Variants in ITGA1 observed in about 807,000 individuals in gnomAD.
The protein encoded by ITGA1 is integrin alpha-1.
ITGA1 carries 85 observed loss-of-function variants against 145.9 expected under a neutral mutation model. The observed-to-expected ratio is 0.58, with a 90% CI of 0.49 to 0.70. The LOEUF (loss-of-function observed/expected upper bound fraction) is 0.70. Among genes scored for constraint, ITGA1 ranks in the 30% least tolerant of loss-of-function variants. The pLI is 0.00. For synonymous variants in ITGA1, 520 were observed against 495.3 expected, an observed-to-expected ratio of 1.05 and a Z score of -0.66; for missense variants, 1,351 against 1,418.7, an observed-to-expected ratio of 0.95 and a Z score of 0.77.
chr5:52,854,211 A>C (rs1052364060), intron 2 of ITGA1, among the ~76,000 whole-genome samples: 4 of 152,172 alleles, frequency 2.6e-5, no homozygotes, highest in African/African-American at 9.6e-5. Flanking sequence ...AGGTCAGGGT[A>C]CCAATGGGCT....
intron 1 of ITGA1, among the ~76,000 whole-genome samples, chr5:52,821,682 G>A (rs906685104): frequency 6.6e-6 from 1 of 152,070 alleles, no homozygotes; most frequent in Non-Finnish European, 1.5e-5. Flanking sequence ...TGATTTCTTG[G>A]AAGGGCTTAT....
At chr5:52,792,979 G>A (rs1168990183) in intron 1 of ITGA1, among the ~76,000 whole-genome samples, 1 of 152,044 alleles carries the variant, frequency 6.6e-6, no homozygotes, top group Admixed American at 6.6e-5. Context: ...GCTTCTTTCA[G>A]CTCCTTTATT....
intron 6 of ITGA1, among the ~76,000 whole-genome samples, chr5:52,878,113 TG>T (rs1389450098): frequency 1.3e-5 from 2 of 152,146 alleles, no homozygotes; most frequent in African/African-American, 4.8e-5. Context: ...CACTCACCAT[TG>T]CCTGTGGATC....
At chr5:52,817,782 A>G (rs1235862373) in intron 1 of ITGA1, among the ~76,000 whole-genome samples, 2 of 152,260 alleles carry the variant, frequency 1.3e-5, no homozygotes, top group African/African-American at 2.4e-5. Flanking sequence ...ATAAATATGT[A>G]TCTTTGCATA....
intron 21 of ITGA1, 80 bp from the exon 22 acceptor site, chr5:52,931,967 C>A: frequency 1.2e-6 from 1 of 820,062 alleles, no homozygotes; most frequent in Non-Finnish European, 2.0e-6. Flanking sequence ...CCAGGATAAG[C>A]TTCTCTTTCA....
intron 1 of ITGA1, chr5:52,802,429 A>G (rs981111257): frequency 6.6e-6 from 1 of 152,248 alleles, no homozygotes; most frequent in African/African-American, 2.4e-5. Flanking sequence ...CAATCATGTT[A>G]AAAGGAAATT....
chr5:52,910,775 C>T (rs191796382), intron 14 of ITGA1, among the ~76,000 whole-genome samples: 40 of 144,078 alleles, frequency 2.8e-4, no homozygotes, highest in African/African-American at 9.1e-4. Context: ...ACTATATATA[C>T]ACACTATATA....
chr5:52,854,354 A>AC (rs1749474896), intron 2 of ITGA1, among the ~76,000 whole-genome samples: 1 of 152,186 alleles, frequency 6.6e-6, no homozygotes, highest in Non-Finnish European at 1.5e-5. Context: ...AACAGATTTT[A>AC]ATATGCTTAT....
intron 2 of ITGA1, among the ~76,000 whole-genome samples, chr5:52,857,937 G>T (rs1488987249): frequency 1.3e-5 from 2 of 151,946 alleles, no homozygotes; most frequent in Non-Finnish European, 2.9e-5. Context: ...ATGCATACTT[G>T]GAATTGCCTC....
chr5:52,801,205 T>C, intron 1 of ITGA1: 1 of 1,363,324 alleles, frequency 7.3e-7, no homozygotes. Flanking sequence ...CTGGGAAAAA[T>C]AAGAAGAGAA....
chr5:52,854,962 C>T lies in ITGA1; in HGVS notation c.182+5477C>T, dbSNP rs368886620. 1.3e-3 allele frequency among the ~76,000 whole-genome samples: 194 copies of T among 152,186 alleles called. 3 individuals are homozygous for T. The South Asian group carries it at 0.017, about 13-fold the overall frequency. ...TGCATACAGGTCATTACAAAAATGCCATATAAAAAGCAAGATCTAATAGGA... is the reference window on the plus strand; with the variant it reads ...TGCATACAGGTCATTACAAAAATGCTATATAAAAAGCAAGATCTAATAGGA... On this transcript the variant is annotated intron_variant, in intron 2 of 28. Coordinates refer to ENST00000282588, the MANE Select transcript of ITGA1 (RefSeq NM_181501.2).
intron 2 of ITGA1, among the ~76,000 whole-genome samples, chr5:52,850,462 T>G (rs1338664277): frequency 6.6e-6 from 1 of 152,138 alleles, no homozygotes; most frequent in Admixed American, 6.5e-5. Context: ...GTTTAATAAC[T>G]TAAACTAAAC....
intron 11 of ITGA1, chr5:52,901,752 A>C (rs1750316467): frequency 6.6e-6 from 1 of 152,226 alleles, no homozygotes; most frequent in African/African-American, 2.4e-5. Flanking sequence ...GCAAGTAAGA[A>C]AATATTAAGA....
intron 22 of ITGA1, chr5:52,933,655 C>G: frequency 8.4e-6 from 2 of 238,422 alleles, no homozygotes; most frequent in Non-Finnish European, 1.6e-5. Flanking sequence ...ACTTTTAAAA[C>G]TCATATTCTA....
At position 52,788,709 on chromosome 5, in the gene ITGA1, C is replaced by T. The variant is rs137869464; in HGVS notation, c.61+295C>T. Among the ~76,000 whole-genome samples the T allele has an allele frequency of 1.4e-3, 218 of 152,292 alleles. 1 individual carries two copies. The highest frequency in any genetic ancestry group is 4.2e-3 in the African/African-American group (174 of 41,566). ...TAAAATTAAAGTTGTTTTTACAATA[C>T]ACATTGTATATTAGGACTTTGCTGA... is the stretch of plus-strand genomic sequence containing the variant. On this transcript the variant is annotated intron_variant, in intron 1 of 28. Transcript: ENST00000282588.
At chr5:52,877,625 A>G (rs1312972903) in intron 6 of ITGA1, among the ~76,000 whole-genome samples, 1 of 152,216 alleles carries the variant, frequency 6.6e-6, no homozygotes, top group Non-Finnish European at 1.5e-5. Context: ...AAAGTTAAGT[A>G]TGAATATAAC....
chr5:52,820,384 AG>A (rs1458585930), intron 1 of ITGA1, among the ~76,000 whole-genome samples: 1 of 61,674 alleles, frequency 1.6e-5, no homozygotes, highest in African/African-American at 6.8e-5. Context: ...GGGTGGGGGG[AG>A]GGGGGAGGGA....
chr5:52,852,512 G>A (rs1376143886), intron 2 of ITGA1, among the ~76,000 whole-genome samples: 3 of 152,150 alleles, frequency 2.0e-5, no homozygotes, highest in Non-Finnish European at 4.4e-5. Context: ...CAATGAAGGT[G>A]TAGGAGAGGT....
rs148729951 is a variant in ITGA1, at chr5:52,861,237, ATG to A, written c.183-198_183-197del. On this transcript the variant is annotated intron_variant, in intron 2 of 28. Transcript: ENST00000282588. ...TGCTATATATGTATATTGTATATGT[ATG>A]TGTGTGTGTGTATATATACTTTTTA... 1.4e-4 allele frequency among the ~76,000 whole-genome samples: 22 copies of A among 151,888 alleles called. 1 individual carries two copies. The highest frequency in any genetic ancestry group is 4.2e-4 in the South Asian group (2 of 4,812).
Sources: allele counts gnomAD v4.1 joint callset (sites outside exome capture counted in the v4.1 genomes callset), GRCh38; gene constraint gnomAD v4.1.1; transcripts MANE v1.5; gene names NCBI Gene and HGNC (gene_info 2026-07-23, HGNC 2026-07-21).